The following ZFYVE9 variants were observed in gnomAD, a reference collection of about 807,000 sequenced individuals.
ZFYVE9 encodes zinc finger FYVE-type containing 9.
Under a neutral mutation model 126.7 loss-of-function variants are expected in ZFYVE9, and 43 were observed. The observed-to-expected ratio is 0.34, with a 90% CI of 0.27 to 0.44. ZFYVE9 has a LOEUF of 0.44. Ranked by LOEUF, ZFYVE9 falls within the 20% of genes least tolerant of loss-of-function variation. The probability of loss-of-function intolerance (pLI) is 1.00; values close to 1 mark genes in which losing one functional copy is unlikely to be tolerated. For missense variants in ZFYVE9, 1,476 were observed against 1,697.0 expected, an observed-to-expected ratio of 0.87 and a Z score of 2.29; for synonymous variants, 521 against 597.4, an observed-to-expected ratio of 0.87 and a Z score of 1.87.
intron 4 of ZFYVE9, among the ~76,000 whole-genome samples, chr1:52,243,473 C>G (rs1645355159): frequency 6.6e-6 from 1 of 151,998 alleles, no homozygotes; most frequent in African/African-American, 2.4e-5. Context: ...ACAGCATGGA[C>G]AAAGTCATTG....
chr1:52,164,505 C>G (rs544350494), intron 1 of ZFYVE9, among the ~76,000 whole-genome samples: 4 of 152,116 alleles, frequency 2.6e-5, no homozygotes, highest in African/African-American at 9.7e-5. Flanking sequence ...GGAGCCACTG[C>G]GCCAAGCCGA....
intron 4 of ZFYVE9, among the ~76,000 whole-genome samples, chr1:52,249,031 T>C (rs1373075636): frequency 1.3e-5 from 2 of 152,188 alleles, no homozygotes; most frequent in Non-Finnish European, 2.9e-5. Flanking sequence ...CCCTTGCTGT[T>C]CTCATAATAG....
At chr1:52,252,601 G>T (rs901686281) in intron 4 of ZFYVE9, 1 of 225,254 alleles carries the variant, frequency 4.4e-6, no homozygotes, top group Non-Finnish European at 9.5e-6. Context: ...CTCATGATAC[G>T]CCCACCTTGG....
At chr1:52,294,589 T>C (rs978666415) in intron 11 of ZFYVE9, among the ~76,000 whole-genome samples, 7 of 152,194 alleles carry the variant, frequency 4.6e-5, no homozygotes, top group Non-Finnish European at 5.9e-5. Context: ...ACAGAAATAA[T>C]GATTGTAGTG....
chr1:52,295,095 C>T (rs1645960128), intron 11 of ZFYVE9, among the ~76,000 whole-genome samples: 1 of 152,050 alleles, frequency 6.6e-6, no homozygotes, highest in South Asian at 2.1e-4. Context: ...GTAATTCCAG[C>T]TACTGGAGAG....
At chr1:52,277,804 G>A (rs1645762571) in intron 8 of ZFYVE9, among the ~76,000 whole-genome samples, 1 of 152,148 alleles carries the variant, frequency 6.6e-6, no homozygotes, top group South Asian at 2.1e-4. Flanking sequence ...AGATGCTGAA[G>A]CACATACTGT....
In ZFYVE9 at chr1:52,239,160, C is replaced by T; in HGVS notation, c.1743C>T (p.Pro581=). The T allele has an allele frequency of 1.2e-6, 2 of 1,614,120 alleles. No homozygotes were observed. Among genetic ancestry groups the T allele is most frequent in the Non-Finnish European group, 8.5e-7 (1 of 1,180,016 alleles). The change falls in exon 4 of 19, where the codon CCC becomes CCT. Residue 581 remains proline, a synonymous_variant. Transcript: ENST00000287727. ...GTGTTCCTTTTGGTGGTGCAAGACC[C>T]AAGCAACCTTCTAATCTTAAACTTC... ...SISVPFGGAR[P]KQPSNLKLQI...
At chr1:52,306,264 C>G (rs1182780665) in intron 13 of ZFYVE9, among the ~76,000 whole-genome samples, 1 of 152,144 alleles carries the variant, frequency 6.6e-6, no homozygotes, top group Non-Finnish European at 1.5e-5. Flanking sequence ...ATCGGGATGA[C>G]CAGCTGCAGA....
chr1:52,204,490 G>T (rs1316173280), intron 1 of ZFYVE9, among the ~76,000 whole-genome samples: 1 of 152,158 alleles, frequency 6.6e-6, no homozygotes, highest in East Asian at 1.9e-4. Flanking sequence ...ACTTTGGGAG[G>T]CTGAGGTGGG....
chr1:52,234,883 C>A (rs939236222), intron 3 of ZFYVE9, among the ~76,000 whole-genome samples: 1 of 152,110 alleles, frequency 6.6e-6, no homozygotes, highest in Non-Finnish European at 1.5e-5. Context: ...TATCACAGTT[C>A]TTTGAGTCAT....
chr1:52,331,033 A>G (rs1023158304), intron 13 of ZFYVE9, among the ~76,000 whole-genome samples: 1 of 151,700 alleles, frequency 6.6e-6, no homozygotes, highest in Non-Finnish European at 1.5e-5. Flanking sequence ...CACCCAGCTC[A>G]TTTTTTTGTA....
At chr1:52,212,085 C>G (rs1312160014) in intron 1 of ZFYVE9, among the ~76,000 whole-genome samples, 1 of 152,060 alleles carries the variant, frequency 6.6e-6, no homozygotes, top group African/African-American at 2.4e-5. Flanking sequence ...TTTTTAGATC[C>G]TTATCTTTCC....
At position 52,337,640 on chromosome 1, in the gene ZFYVE9, C is replaced by G; in HGVS notation, c.3671-132C>G. On this transcript the variant is annotated intron_variant, in intron 15 of 18. Transcript: ENST00000287727. ...AACACTTTCAGTAAGAGGTTCAGCT[C>G]AAAGAGCAAAACCTCTGTATCAGTC... 5.0e-6 allele frequency: 5 copies of G among 996,440 alleles called. No homozygotes were observed. In the East Asian group the frequency reaches 1.3e-4, roughly 26 times the overall value. 61.7% of individuals were successfully genotyped at this position (996,440 alleles called of 1,614,324 possible).
chr1:52,301,543 A>G (rs924481536), intron 12 of ZFYVE9, among the ~76,000 whole-genome samples: 4 of 152,058 alleles, frequency 2.6e-5, no homozygotes, highest in African/African-American at 4.8e-5. Context: ...GGCTCAAGCT[A>G]TCCTTCCACC....
intron 1 of ZFYVE9, among the ~76,000 whole-genome samples, chr1:52,205,209 C>T (rs970678462): frequency 2.6e-5 from 4 of 151,160 alleles, no homozygotes; most frequent in African/African-American, 7.3e-5. Context: ...CAAGTAGCTG[C>T]GACTACAGCC....
intron 2 of ZFYVE9, among the ~76,000 whole-genome samples, chr1:52,219,314 TAA>T (rs960321240): frequency 2.0e-4 from 31 of 152,250 alleles, no homozygotes; most frequent in East Asian, 1.9e-4. Context: ...AAAGGAAGAA[TAA>T]AAAGACAGAT....
At position 52,205,756 on chromosome 1, in the gene ZFYVE9, A is replaced by G. The variant is rs138347725; in HGVS notation, c.-142-10613A>G. Among the ~76,000 whole-genome samples, 14 of 152,224 alleles carry G rather than the reference A, an allele frequency of 9.2e-5. No individual in the cohort carries two copies. In the East Asian group the frequency reaches 1.9e-3, roughly 21 times the overall value. On this transcript the variant is annotated intron_variant, in intron 1 of 18. Coordinates refer to ENST00000287727, the MANE Select transcript of ZFYVE9 (RefSeq NM_004799.4). Reference sequence around the variant, plus strand: ...TGTTCGGATAGAATAGTGACTTCCAAGCTACTTAAATGCTGCACTAGAAAC... The same window carrying G: ...TGTTCGGATAGAATAGTGACTTCCAGGCTACTTAAATGCTGCACTAGAAAC...
At chr1:52,305,322 G>T (rs939795943) in intron 13 of ZFYVE9, among the ~76,000 whole-genome samples, 1 of 152,090 alleles carries the variant, frequency 6.6e-6, no homozygotes, top group South Asian at 2.1e-4. Context: ...CCAGCTACTC[G>T]GGAGGCTGAG....
Position 52,176,303 on chromosome 1 carries a change from G to GA in ZFYVE9, c.-143+33902dup, listed in dbSNP as rs1644627710. 2.6e-5 allele frequency among the ~76,000 whole-genome samples: 4 copies of GA among 152,216 alleles called. No individual in the cohort carries two copies. The South Asian group carries it at 8.3e-4, about 31-fold the overall frequency. On this transcript the variant is annotated intron_variant, in intron 1 of 18. Transcript: ENST00000287727. ...CTGGGTATCAGCAGTGGTGGCTGTAGAACAGCGGATCTTGGTGAACCGCAA... is the reference window on the plus strand; with the variant it reads ...CTGGGTATCAGCAGTGGTGGCTGTAGAAACAGCGGATCTTGGTGAACCGCAA...
Sources: gnomAD v4.1 joint callset for allele counts (sites outside exome capture counted in the v4.1 genomes callset) on GRCh38, gnomAD v4.1.1 for gene constraint, MANE v1.5 for transcripts, NCBI Gene and HGNC (gene_info 2026-07-23, HGNC 2026-07-21) for gene names.